PACRGL: variants seen among roughly 807,000 people sequenced by gnomAD.
PACRGL encodes PACRG-like protein.
In PACRGL, 38 loss-of-function variants were observed where a neutral mutation model predicts 34.5. That is an observed-to-expected ratio of 1.10 (90% CI 0.85 to 1.44). The LOEUF (loss-of-function observed/expected upper bound fraction) is 1.44, where lower values mean the gene tolerates loss of function less well. Among genes scored for constraint, PACRGL ranks in the 40% most tolerant of loss-of-function variants. The pLI is 0.00. For missense variants in PACRGL, 305 were observed against 281.4 expected (o/e 1.08, Z -0.60); for synonymous variants, 128 against 100.1 (o/e 1.28, Z -1.66).
intron 8 of PACRGL, among the ~76,000 whole-genome samples, chr4:20,746,659 G>C (rs1478841857): frequency 6.6e-6 from 1 of 152,086 alleles, no homozygotes; most frequent in Non-Finnish European, 1.5e-5. Context: ...TTATTAAGTA[G>C]CTTTGATTGC....
chr4:20,713,311 T>C (rs1738190147), intron 6 of PACRGL, 121 bp from the exon 7 acceptor site: 1 of 689,354 alleles, frequency 1.5e-6, no homozygotes, highest in South Asian at 2.0e-5. Context: ...ATCTTCTGAT[T>C]GTAGATGTTT....
At chr4:20,697,288 T>C (rs1376982561), upstream of PACRGL, among the ~76,000 whole-genome samples, 1 of 152,240 alleles carries the variant, frequency 6.6e-6, no homozygotes, top group Non-Finnish European at 1.5e-5. Context: ...GCTTTGTCTG[T>C]AATTTGTACA....
the PACRGL span, chr4:20,759,011 C>A: frequency 1.4e-6 from 1 of 695,040 alleles, no homozygotes; most frequent in Non-Finnish European, 2.5e-6. Flanking sequence ...AACCATTCAT[C>A]CATTATTACA....
chr4:20,758,466 T>G, the PACRGL span, among the ~76,000 whole-genome samples: 110,009 of 151,956 alleles, frequency 0.72, 40,027 homozygotes, highest in African/African-American at 0.8. Context: ...AATTACATTT[T>G]TCCTAATTTT....
intron 8 of PACRGL, among the ~76,000 whole-genome samples, chr4:20,748,765 C>T (rs1014919332): frequency 2.0e-5 from 3 of 149,640 alleles, no homozygotes; most frequent in African/African-American, 4.9e-5. Context: ...AAAATAAAAG[C>T]CTTCACAGCT....
chr4:20,703,526 T>G, intron 1 of PACRGL, among the ~76,000 whole-genome samples: 1 of 145,826 alleles, frequency 6.9e-6, no homozygotes, highest in African/African-American at 2.7e-5. Context: ...GTGTGTGTAT[T>G]TCTTGCTAGA....
chr4:20,704,646 C>CT lies in PACRGL; in HGVS notation c.53-13dup, dbSNP rs1333469603. 1.2e-6 allele frequency: 2 copies of CT among 1,613,742 alleles called. No individual in the cohort carries two copies. On this transcript the variant is annotated splice_polypyrimidine_tract_variant and intron_variant, in intron 2 of 8. Transcript: ENST00000503585. ...CTTGTACCTGGTTTCTATTGATGTT[C>CT]TGTTTTTTTCCAGGTAACTATGATC...
Position 20,731,616 on chromosome 4 carries a change from C to A in PACRGL, c.*4275C>A. ...GATAGAAGCTTGGCCTGTTGTGATG[C>A]CATACTTGGCTATCTAGGAATTCTA... is the stretch of plus-strand genomic sequence containing the variant. On this transcript the variant is annotated 3_prime_UTR_variant, in exon 9 of 9. Transcript: ENST00000503585. The A allele has an allele frequency of 1.0e-6, 1 of 985,128 alleles. No homozygotes were observed. Among genetic ancestry groups the A allele is most frequent in the East Asian group, 1.1e-4 (1 of 8,814 alleles). 61.0% of individuals were successfully genotyped at this position (985,128 alleles called of 1,614,324 possible). A position where few individuals can be genotyped will look rare whatever the true frequency, so the allele number is the denominator to read the frequency against.
At chr4:20,735,709 G>C (rs979884156), downstream of PACRGL, among the ~76,000 whole-genome samples, 4 of 151,796 alleles carry the variant, frequency 2.6e-5, no homozygotes, top group Non-Finnish European at 5.9e-5. Context: ...ACTAATTTTT[G>C]TATTTTTGGT....
rs569703634 is a variant in PACRGL at position 20,713,124 on chromosome 4, T to C, written c.501+202T>C. On this transcript the variant is annotated intron_variant, in intron 6 of 8. Coordinates refer to ENST00000503585, the MANE Select transcript of PACRGL (RefSeq NM_001258345.3). Reference sequence around the variant, plus strand: ...CATACTTGAAGACATCTTTAGAGGATGTACTAAAGGTAAAAAGGGACATTT... The same window carrying C: ...CATACTTGAAGACATCTTTAGAGGACGTACTAAAGGTAAAAAGGGACATTT... 33 of 583,334 alleles carry C rather than the reference T, an allele frequency of 5.7e-5. 1 individual carries two copies. The South Asian group carries it at 1.0e-3, about 18-fold the overall frequency. The allele number at this position is 583,334 out of a possible 1,614,324, so 36.1% of individuals were successfully genotyped here.
chr4:20,758,782 A>C, the PACRGL span: 1 of 1,485,180 alleles, frequency 6.7e-7, no homozygotes, highest in Non-Finnish European at 9.4e-7. Context: ...CATAATTGTA[A>C]CTCTGATAGT....
chr4:20,735,826 C>T (rs927709864), downstream of PACRGL, among the ~76,000 whole-genome samples: 5 of 152,004 alleles, frequency 3.3e-5, no homozygotes, highest in African/African-American at 1.2e-4. Context: ...TGAGCCACCA[C>T]GCCTGGCCAG....
chr4:20,708,321 T>G (rs1735502785), intron 4 of PACRGL, among the ~76,000 whole-genome samples: 1 of 152,194 alleles, frequency 6.6e-6, no homozygotes, highest in South Asian at 2.1e-4. Context: ...AAAAAAAAAA[T>G]ACTACAGATA....
rs760769831 is a variant in PACRGL, at chr4:20,730,413, T to C, written c.*3072T>C. Among the ~76,000 whole-genome samples, 15 of 152,172 alleles carry C rather than the reference T, an allele frequency of 9.9e-5. No homozygotes were observed. Among genetic ancestry groups the C allele is most frequent in the Non-Finnish European group, 2.1e-4 (14 of 68,026 alleles). Reference sequence around the variant, plus strand: ...TTAATAGAGGATATTTCTCAAATCATAATGCCAAAATGGAAACTACAGAGG... The same window carrying C: ...TTAATAGAGGATATTTCTCAAATCACAATGCCAAAATGGAAACTACAGAGG... On this transcript the variant is annotated 3_prime_UTR_variant, in exon 9 of 9. Coordinates refer to ENST00000503585, the MANE Select transcript of PACRGL (RefSeq NM_001258345.3).
In PACRGL at chr4:20,728,787, CCTGATTTATTGTTGCAAAGACAG is replaced by C. The variant is rs1479100784; in HGVS notation, c.*1447_*1469del. On this transcript the variant is annotated 3_prime_UTR_variant, in exon 9 of 9. Coordinates refer to ENST00000503585, the MANE Select transcript of PACRGL (RefSeq NM_001258345.3). ...TCCTATCTCTACACCAGAATAGATA[CCTGATTTATTGTTGCAAAGACAG>C]TTGCAAATTTCCTCCTTCTGTAGCC... The C allele has an allele frequency of 1.3e-5, 2 of 152,548 alleles. No individual in the cohort carries two copies. The highest frequency in any genetic ancestry group is 2.9e-5 in the Non-Finnish European group (2 of 68,038). 9.4% of individuals were successfully genotyped at this position (152,548 alleles called of 1,614,324 possible).
At chr4:20,714,650 T>C (rs1738948315) in intron 7 of PACRGL, among the ~76,000 whole-genome samples, 1 of 152,140 alleles carries the variant, frequency 6.6e-6, no homozygotes, top group African/African-American at 2.4e-5. Context: ...GTTGTTCCTT[T>C]CCATGTTTAG....
intron 7 of PACRGL, among the ~76,000 whole-genome samples, chr4:20,723,752 G>A (rs553053684): frequency 5.6e-4 from 85 of 152,248 alleles, no homozygotes; most frequent in African/African-American, 2.0e-3. Context: ...GACTGAACGG[G>A]TATCTAGCTT....
At position 20,743,859 on chromosome 4, in the gene PACRGL, G is replaced by A. The variant is rs562712589; in HGVS notation, c.*57-8706G>A. On this transcript the variant is annotated intron_variant, in intron 8 of 8. Coordinates refer to the PACRGL transcript ENST00000507634. ...ACCTACAAAATGGGAGAAAATTTTC[G>A]CAACCTACTCATCTGACAAAGGGCT... Among the ~76,000 whole-genome samples, 169 of 151,662 alleles carry A rather than the reference G, an allele frequency of 1.1e-3. 1 individual carries two copies. Among genetic ancestry groups the A allele is most frequent in the African/African-American group, 3.7e-3 (153 of 41,332 alleles).
rs76082277 is a variant in PACRGL, at chr4:20,705,802, G to A, written c.207+988G>A. Among the ~76,000 whole-genome samples, 937 of 151,144 alleles carry A rather than the reference G, an allele frequency of 6.2e-3. 6 individuals carry two copies. Among genetic ancestry groups the A allele is most frequent in the African/African-American group, 0.022 (892 of 41,050 alleles). On this transcript the variant is annotated intron_variant, in intron 3 of 8. Transcript: ENST00000503585. ...ATAATTTGACCCGAGAAAAGCATGT[G>A]TAAAAGCTACCAATATAAAACAAAT...
Sources: allele counts gnomAD v4.1 joint callset (sites outside exome capture counted in the v4.1 genomes callset), GRCh38; gene constraint gnomAD v4.1.1; transcripts MANE v1.5; gene names NCBI Gene and HGNC (gene_info 2026-07-23, HGNC 2026-07-21).